The following DMXL1 variants were observed in gnomAD, a reference collection of about 807,000 sequenced individuals.
DMXL1 encodes Dmx like 1, also known as dmX-like protein 1.
DMXL1 carries 99 observed loss-of-function variants against 319.2 expected under a neutral mutation model. That is an observed-to-expected ratio of 0.31 (90% CI 0.26 to 0.37). The LOEUF (loss-of-function observed/expected upper bound fraction) is 0.37, where lower values mean the gene tolerates loss of function less well. Ranked by LOEUF, DMXL1 falls within the 10% of genes least tolerant of loss-of-function variation. The probability of loss-of-function intolerance (pLI) is 1.00; values close to 1 mark genes in which losing one functional copy is unlikely to be tolerated. For missense variants in DMXL1, 3,745 were observed against 3,595.6 expected (o/e 1.04, Z -1.06); for synonymous variants, 1,385 against 1,235.2 (o/e 1.12, Z -2.54).
intron 13 of DMXL1, among the ~76,000 whole-genome samples, chr5:119,139,647 A>G (rs1298257549): frequency 2.0e-5 from 3 of 152,238 alleles, no homozygotes; most frequent in African/African-American, 7.2e-5. Flanking sequence ...AAACCTACAA[A>G]GAGACATAGA....
chr5:119,204,262 C>G (rs1336671648), intron 33 of DMXL1, among the ~76,000 whole-genome samples: 1 of 152,166 alleles, frequency 6.6e-6, no homozygotes, highest in Non-Finnish European at 1.5e-5. Flanking sequence ...CTCAGCCTCC[C>G]TAGCAGCTGG....
chr5:119,246,371 T>C (rs1256999188), intron 43 of DMXL1, among the ~76,000 whole-genome samples: 1 of 152,186 alleles, frequency 6.6e-6, no homozygotes, highest in Non-Finnish European at 1.5e-5. Flanking sequence ...GAAACGTTGA[T>C]TTTAATCCCT....
chr5:119,226,701 C>G (rs931749456), intron 38 of DMXL1, among the ~76,000 whole-genome samples: 26 of 152,126 alleles, frequency 1.7e-4, no homozygotes. Flanking sequence ...AGACACCACT[C>G]GCAGGTTATC....
chr5:119,191,214 A>C (rs1241709170), intron 29 of DMXL1, among the ~76,000 whole-genome samples: 1 of 152,234 alleles, frequency 6.6e-6, no homozygotes, highest in Non-Finnish European at 1.5e-5. Flanking sequence ...AATACTGTGC[A>C]AAACAAGGAC....
At chr5:119,139,563 C>T (rs1233167484) in intron 13 of DMXL1, among the ~76,000 whole-genome samples, 2 of 152,172 alleles carry the variant, frequency 1.3e-5, no homozygotes, top group Non-Finnish European at 2.9e-5. Context: ...TTCAATTCAA[C>T]AAGAAGACCT....
chr5:119,138,683 A>G (rs1373760125), intron 13 of DMXL1, among the ~76,000 whole-genome samples: 5 of 152,164 alleles, frequency 3.3e-5, no homozygotes, highest in Admixed American at 1.3e-4. Flanking sequence ...TTAAAAATAT[A>G]AAAATTAGCC....
intron 1 of DMXL1, among the ~76,000 whole-genome samples, chr5:119,082,981 T>G (rs1350708346): frequency 6.6e-6 from 1 of 152,234 alleles, no homozygotes; most frequent in African/African-American, 2.4e-5. Flanking sequence ...TGAGCTTGGC[T>G]TATGTCACTT....
chr5:119,162,435 C>T (rs1772473255), intron 19 of DMXL1, among the ~76,000 whole-genome samples: 1 of 152,104 alleles, frequency 6.6e-6, no homozygotes, highest in Non-Finnish European at 1.5e-5. Context: ...GATCAAGACA[C>T]CAGCAGATTT....
intron 10 of DMXL1, among the ~76,000 whole-genome samples, chr5:119,130,017 G>A (rs1440059510): frequency 1.3e-5 from 2 of 152,142 alleles, no homozygotes; most frequent in African/African-American, 4.8e-5. Context: ...TATATGCTGA[G>A]AAATGGAAAG....
chr5:119,132,790 T>G (rs1765222252), intron 10 of DMXL1: 2 of 551,304 alleles, frequency 3.6e-6, no homozygotes, highest in African/African-American at 3.8e-5. Flanking sequence ...TTTGAACTAC[T>G]TGGTAGGTGT....
At chr5:119,194,321 G>C (rs1305153164) in intron 30 of DMXL1, among the ~76,000 whole-genome samples, 1 of 152,122 alleles carries the variant, frequency 6.6e-6, no homozygotes, top group Admixed American at 6.5e-5. Flanking sequence ...ACATAAACAA[G>C]TTCTACTGTT....
chr5:119,140,695 C>T (rs1365252695), intron 13 of DMXL1, among the ~76,000 whole-genome samples: 4 of 152,180 alleles, frequency 2.6e-5, no homozygotes, highest in Non-Finnish European at 5.9e-5. Context: ...GAGCTGGTAC[C>T]ATTCCTACTG....
intron 38 of DMXL1, 44 bp downstream of exon 38, chr5:119,224,813 A>G: frequency 1.1e-6 from 1 of 888,420 alleles, no homozygotes. Context: ...TTATTCTTAA[A>G]TCTATTTTTG....
At chr5:119,188,419 A>G (rs898734884) in intron 28 of DMXL1, among the ~76,000 whole-genome samples, 1 of 152,262 alleles carries the variant, frequency 6.6e-6, no homozygotes, top group Non-Finnish European at 1.5e-5. Context: ...AAGACAAAAC[A>G]GTAATGTTAA....
chr5:119,147,463 A>T lies in DMXL1; in HGVS notation c.2904A>T (p.Pro968=), dbSNP rs753943653. 3 of 1,610,286 alleles carry T rather than the reference A, an allele frequency of 1.9e-6. No individual in the cohort carries two copies. ...PEGVEIISIK[P]SAGHLSSSSI... is the part of the protein sequence containing the mutation. ...GAGTTGAGATAATAAGTATTAAGCCATCAGCAGGTTTGTAAATTTTATGAA... is the reference window on the plus strand; with the variant it reads ...GAGTTGAGATAATAAGTATTAAGCCTTCAGCAGGTTTGTAAATTTTATGAA... Residue 968 remains proline, a synonymous_variant, in exon 17 of 44, where the codon CCA becomes CCT. Coordinates refer to ENST00000539542, the MANE Select transcript of DMXL1 (RefSeq NM_001290321.3).
intron 2 of DMXL1, chr5:119,100,752 A>AATCTTTAC (rs1757067355): frequency 7.2e-6 from 1 of 138,100 alleles, no homozygotes; most frequent in Admixed American, 7.3e-5. Flanking sequence ...TGCCTCTTTT[A>AATCTTTAC]ATCTTTACAT....
chr5:119,141,768 A>G (rs1347588810), intron 13 of DMXL1, among the ~76,000 whole-genome samples: 1 of 152,210 alleles, frequency 6.6e-6, no homozygotes, highest in Non-Finnish European at 1.5e-5. Flanking sequence ...ACCTATTTTA[A>G]AAGTCATATG....
chr5:119,108,739 T>C (rs6595175), intron 4 of DMXL1, among the ~76,000 whole-genome samples: 135,825 of 151,982 alleles, frequency 0.89, 60,953 homozygotes, highest in East Asian at 0.99. Flanking sequence ...CTTTTTGAAA[T>C]GGCTTTCAAA....
chr5:119,214,092 A>T (rs1310920386), intron 34 of DMXL1, among the ~76,000 whole-genome samples: 1 of 151,966 alleles, frequency 6.6e-6, no homozygotes, highest in African/African-American at 2.4e-5. Flanking sequence ...TTGTATGCTG[A>T]CAACTCTCAA....
Sources: gnomAD v4.1 joint callset for allele counts (sites outside exome capture counted in the v4.1 genomes callset) on GRCh38, gnomAD v4.1.1 for gene constraint, MANE v1.5 for transcripts, NCBI Gene and HGNC (gene_info 2026-07-23, HGNC 2026-07-21) for gene names.